MCC: variants seen among roughly 807,000 people sequenced by gnomAD.
MCC encodes MCC regulator of Wnt signaling pathway.
MCC carries 90 observed loss-of-function variants against 116.2 expected under a neutral mutation model. The observed-to-expected ratio is 0.77, with a 90% CI of 0.65 to 0.92. The LOEUF (loss-of-function observed/expected upper bound fraction) is 0.92. MCC is among the 40% of genes least tolerant of loss of function. The pLI, the probability that MCC is intolerant of heterozygous loss-of-function variation, is 0.00. For synonymous variants in MCC, 578 were observed against 510.5 expected (o/e 1.13, Z -1.78); for missense variants, 1,516 against 1,312.2 (o/e 1.16, Z -2.40).
chr5:113,082,776 A>T (rs1303218472), intron 11 of MCC, 84 bp downstream of exon 11: 1 of 1,535,398 alleles, frequency 6.5e-7, no homozygotes, highest in African/African-American at 1.4e-5. Flanking sequence ...TACATAAGCC[A>T]CCTTGAACAG....
At chr5:113,074,782 G>A (rs1024939344) in intron 11 of MCC, among the ~76,000 whole-genome samples, 27 of 152,246 alleles carry the variant, frequency 1.8e-4, no homozygotes, top group South Asian at 6.2e-4. Flanking sequence ...GGAAGAAAGC[G>A]TATCAGGGAT....
rs116486000 is a variant in MCC, at chr5:113,044,465, G to C, written c.2656-835C>G. The C allele has an allele frequency of 4.2e-4, 412 of 982,864 alleles. 7 individuals carry two copies. The African/African-American group carries it at 6.7e-3, about 16-fold the overall frequency. The allele number at this position is 982,864 out of a possible 1,614,324, so 60.9% of individuals were successfully genotyped here. The stretch of plus-strand genomic sequence containing the variant: ...CCACACTACATAGTACCATGGCTGG[G>C]GGAAGGCATTCATCGGATGATCTCT... On this transcript the variant is annotated intron_variant, in intron 16 of 18. Transcript: ENST00000408903.
At chr5:113,223,692 G>C (rs1763633550) in intron 3 of MCC, among the ~76,000 whole-genome samples, 1 of 152,152 alleles carries the variant, frequency 6.6e-6, no homozygotes, top group Non-Finnish European at 1.5e-5. Context: ...CTAGACCACA[G>C]AATGACCGAT....
intron 11 of MCC, among the ~76,000 whole-genome samples, chr5:113,078,827 A>G (rs372722248): frequency 3.9e-5 from 6 of 152,336 alleles, no homozygotes; most frequent in East Asian, 3.9e-4. Flanking sequence ...GGCAGGAGAA[A>G]GAAATAAAGG....
chr5:113,412,147 C>T (rs7731564), intron 1 of MCC, among the ~76,000 whole-genome samples: 42,892 of 151,876 alleles, frequency 0.28, 8,585 homozygotes, highest in African/African-American at 0.57. Context: ...GTTTTGGTAG[C>T]AGTACCATGC....
chr5:113,380,731 G>A (rs1164585700), intron 2 of MCC, among the ~76,000 whole-genome samples: 1 of 152,214 alleles, frequency 6.6e-6, no homozygotes, highest in Non-Finnish European at 1.5e-5. Context: ...ATGTGAATGA[G>A]GAAAGGAGGA....
At chr5:113,181,293 C>T (rs905175112) in intron 3 of MCC, among the ~76,000 whole-genome samples, 39 of 152,204 alleles carry the variant, frequency 2.6e-4, no homozygotes, top group African/African-American at 9.4e-4. Flanking sequence ...TCGGTCAGAA[C>T]ACCATTACCA....
At chr5:113,149,195 C>T (rs1759699557) in intron 4 of MCC, among the ~76,000 whole-genome samples, 1 of 151,602 alleles carries the variant, frequency 6.6e-6, no homozygotes, top group Admixed American at 6.6e-5. Context: ...ATAGTCACCA[C>T]CATTTTGTTG....
intron 1 of MCC, among the ~76,000 whole-genome samples, chr5:113,463,730 A>G (rs969146877): frequency 6.6e-6 from 1 of 152,210 alleles, no homozygotes; most frequent in Non-Finnish European, 1.5e-5. Flanking sequence ...GATGCAGAAA[A>G]GAGGACCGAG....
intron 3 of MCC, among the ~76,000 whole-genome samples, chr5:113,264,663 C>A (rs1765352243): frequency 6.6e-6 from 1 of 152,030 alleles, no homozygotes; most frequent in South Asian, 2.1e-4. Context: ...AAGAATTTTC[C>A]CACTTTTAAA....
At chr5:113,246,899 T>TC (rs1292902387) in intron 3 of MCC, among the ~76,000 whole-genome samples, 1 of 152,142 alleles carries the variant, frequency 6.6e-6, no homozygotes, top group Non-Finnish European at 1.5e-5. Context: ...GATTCTGAGG[T>TC]CACAGACCAG....
At chr5:113,481,616 G>C (rs1369438191) in intron 1 of MCC, among the ~76,000 whole-genome samples, 1 of 152,058 alleles carries the variant, frequency 6.6e-6, no homozygotes, top group African/African-American at 2.4e-5. Context: ...GCGCACACCT[G>C]TAGTCCCAGC....
chr5:113,300,979 T>C (rs1766847467), intron 3 of MCC, among the ~76,000 whole-genome samples: 1 of 152,210 alleles, frequency 6.6e-6, no homozygotes, highest in Non-Finnish European at 1.5e-5. Flanking sequence ...CATCCCTGCA[T>C]CCCATTCATA....
At chr5:113,095,763 T>A (rs1315380554) in intron 8 of MCC, among the ~76,000 whole-genome samples, 1 of 152,140 alleles carries the variant, frequency 6.6e-6, no homozygotes, top group Non-Finnish European at 1.5e-5. Context: ...AGGCTTTGAG[T>A]AAGTCCCGCT....
At chr5:113,292,428 T>C (rs1490391183) in intron 3 of MCC, among the ~76,000 whole-genome samples, 1 of 152,128 alleles carries the variant, frequency 6.6e-6, no homozygotes, top group South Asian at 2.1e-4. Context: ...AGGATATAGC[T>C]GAGGAAGGAA....
rs569419482 is a variant in MCC, at chr5:113,261,823, G to C, written c.627+78696C>G. On this transcript the variant is annotated intron_variant, in intron 3 of 18. Coordinates refer to ENST00000408903, the MANE Select transcript of MCC (RefSeq NM_001085377.2). ...CTCCGTTTGAGATGCTGACAGAATGGGCTTTGTCCAAAATTCAAGACATTT... is the reference window on the plus strand; with the variant it reads ...CTCCGTTTGAGATGCTGACAGAATGCGCTTTGTCCAAAATTCAAGACATTT... Among the ~76,000 whole-genome samples the C allele has an allele frequency of 2.0e-5, 3 of 152,144 alleles. No individual in the cohort carries two copies. In the South Asian group the frequency reaches 6.2e-4, roughly 32 times the overall value.
intron 1 of MCC, among the ~76,000 whole-genome samples, chr5:113,418,412 T>C (rs1221876809): frequency 6.6e-6 from 1 of 152,136 alleles, no homozygotes. Flanking sequence ...AGATTAAATA[T>C]AAGATTAAAT....
intron 5 of MCC, among the ~76,000 whole-genome samples, chr5:113,134,102 T>A (rs1341254859): frequency 6.6e-6 from 1 of 152,244 alleles, no homozygotes; most frequent in Non-Finnish European, 1.5e-5. Flanking sequence ...TGTATAGTTT[T>A]GCTATCATTG....
rs1253276429 is a variant in MCC at position 113,071,250 on chromosome 5, A to C, written c.1785-16T>G. On this transcript the variant is annotated splice_polypyrimidine_tract_variant and intron_variant, in intron 11 of 18. Transcript: ENST00000408903. ...CTCAATCCGGCTACAAAGGAACAAA[A>C]ATCAGATTCACACTAGGGTTACAGT... The C allele has an allele frequency of 1.9e-6, 3 of 1,612,436 alleles. No individual in the cohort carries two copies. Among genetic ancestry groups the C allele is most frequent in the East Asian group, 2.2e-5 (1 of 44,848 alleles).
Sources: gnomAD v4.1 joint callset for allele counts (sites outside exome capture counted in the v4.1 genomes callset) on GRCh38, gnomAD v4.1.1 for gene constraint, MANE v1.5 for transcripts, NCBI Gene and HGNC (gene_info 2026-07-23, HGNC 2026-07-21) for gene names.